Variants in TMEM232 observed in about 807,000 individuals in gnomAD.
The protein encoded by TMEM232 is transmembrane protein 232.
TMEM232 carries 80 observed loss-of-function variants against 78.8 expected under a neutral mutation model. The observed-to-expected ratio is 1.01, with a 90% CI of 0.85 to 1.22. The LOEUF is 1.22. Ranked by LOEUF, TMEM232 falls within the 50% of genes most tolerant of loss-of-function variation. TMEM232 has a pLI of 0.00. For synonymous variants in TMEM232, 297 were observed against 254.3 expected (o/e 1.17, Z -1.60); for missense variants, 881 against 742.2 (o/e 1.19, Z -2.17).
chr5:110,460,361 T>C (rs1052512451), intron 12 of TMEM232, among the ~76,000 whole-genome samples: 3 of 151,948 alleles, frequency 2.0e-5, no homozygotes, highest in African/African-American at 7.2e-5. Context: ...AATGAGGCAA[T>C]ATGTAAACAT....
intron 11 of TMEM232, among the ~76,000 whole-genome samples, chr5:110,533,922 G>A (rs898744105): frequency 9.9e-5 from 15 of 151,712 alleles, no homozygotes; most frequent in Admixed American, 5.9e-4. Context: ...CCTTTCCATC[G>A]TAGAAATCTA....
chr5:110,495,442 A>C (rs1765542561), intron 12 of TMEM232, among the ~76,000 whole-genome samples: 1 of 151,950 alleles, frequency 6.6e-6, no homozygotes, highest in Non-Finnish European at 1.5e-5. Flanking sequence ...CAGTTGATCT[A>C]TTTTAAAATA....
At chr5:110,738,306 G>C (rs931193088), upstream of TMEM232, 5 of 1,233,842 alleles carry the variant, frequency 4.1e-6, no homozygotes, top group African/African-American at 7.9e-5. Context: ...TCCCAATTTT[G>C]AACGATATAA....
intron 11 of TMEM232, among the ~76,000 whole-genome samples, chr5:110,558,276 A>G (rs748193106): frequency 1.3e-5 from 2 of 152,138 alleles, no homozygotes; most frequent in African/African-American, 4.8e-5. Flanking sequence ...CTTATGTACC[A>G]GTAGCATCAG....
intron 8 of TMEM232, among the ~76,000 whole-genome samples, chr5:110,617,526 C>T (rs1335124980): frequency 6.6e-6 from 1 of 152,058 alleles, no homozygotes; most frequent in African/African-American, 2.4e-5. Context: ...TATCATTATA[C>T]CCCATAAATA....
chr5:110,667,633 A>C (rs1790764428), intron 1 of TMEM232: 1 of 199,566 alleles, frequency 5.0e-6, no homozygotes, highest in Non-Finnish European at 9.9e-6. Flanking sequence ...GCAGCATGGC[A>C]TGGTAGCTAA....
chr5:110,724,250 C>G lies in TMEM232; in HGVS notation c.-13+2377G>C, dbSNP rs150876960. Among the ~76,000 whole-genome samples the G allele has an allele frequency of 1.1e-4, 17 of 152,234 alleles. No individual in the cohort carries two copies. The East Asian group carries it at 3.3e-3, about 29-fold the overall frequency. On this transcript the variant is annotated intron_variant, in intron 1 of 13. Transcript: ENST00000455884. Reference sequence around the variant, plus strand: ...CAGAATACCCTTCTCTTCATATTCTCACCTCTCTGGAGTTGATGCCATCCA... The same window carrying G: ...CAGAATACCCTTCTCTTCATATTCTGACCTCTCTGGAGTTGATGCCATCCA...
At chr5:110,676,973 C>G (rs148394390) in intron 1 of TMEM232, among the ~76,000 whole-genome samples, 3,336 of 152,072 alleles carry the variant, frequency 0.022, 112 homozygotes, top group African/African-American at 0.076. Flanking sequence ...GTTGGTCAGG[C>G]TGGTCTTGAA....
chr5:110,521,199 G>A (rs1165284424), intron 12 of TMEM232, among the ~76,000 whole-genome samples: 3 of 152,004 alleles, frequency 2.0e-5, no homozygotes, highest in African/African-American at 4.8e-5. Flanking sequence ...CTCTCTCATG[G>A]AATACCCTGA....
chr5:110,403,796 A>G (rs947551713), intron 2 of TMEM232, among the ~76,000 whole-genome samples: 4 of 151,996 alleles, frequency 2.6e-5, no homozygotes, highest in Non-Finnish European at 4.4e-5. Flanking sequence ...GGAGAGTTGA[A>G]GAGACCTGTA....
At chr5:110,394,434 A>G (rs2112560638) in intron 3 of TMEM232, among the ~76,000 whole-genome samples, 1 of 152,290 alleles carries the variant, frequency 6.6e-6, no homozygotes, top group East Asian at 1.9e-4. Flanking sequence ...ATTTCTTATC[A>G]ATATACTGAT....
At chr5:110,717,567 T>A (rs1328374861) in intron 1 of TMEM232, among the ~76,000 whole-genome samples, 1 of 152,108 alleles carries the variant, frequency 6.6e-6, no homozygotes, top group East Asian at 1.9e-4. Context: ...ACGATTTAAG[T>A]CATTGTGTTT....
chr5:110,588,326 GGAAA>G (rs1404513835), intron 10 of TMEM232, among the ~76,000 whole-genome samples: 10 of 152,180 alleles, frequency 6.6e-5, no homozygotes, highest in Middle Eastern at 3.4e-3. Context: ...AACACTGAAT[GGAAA>G]AGCACTTGGG....
chr5:110,499,635 C>CCCA (rs376076876), intron 12 of TMEM232, among the ~76,000 whole-genome samples: 2,950 of 143,496 alleles, frequency 0.021, 122 homozygotes, highest in African/African-American at 0.081. Flanking sequence ...ACACCCCCCC[C>CCCA]CACACACACA....
intron 1 of TMEM232, among the ~76,000 whole-genome samples, chr5:110,671,449 G>A (rs566984853): frequency 2.0e-5 from 3 of 152,216 alleles, no homozygotes; most frequent in East Asian, 1.9e-4. Flanking sequence ...ACATGCACAC[G>A]TATGTTTACT....
chr5:110,600,715 C>T (rs12655032), intron 10 of TMEM232, among the ~76,000 whole-genome samples: 3 of 152,044 alleles, frequency 2.0e-5, no homozygotes, highest in Non-Finnish European at 2.9e-5. Flanking sequence ...GAATCACAGC[C>T]GAATTCTACC....
At chr5:110,476,927 T>C (rs911179093) in intron 12 of TMEM232, among the ~76,000 whole-genome samples, 7 of 152,044 alleles carry the variant, frequency 4.6e-5, no homozygotes, top group African/African-American at 1.7e-4. Context: ...GATGATAACG[T>C]AGATGGTGTT....
intron 10 of TMEM232, among the ~76,000 whole-genome samples, chr5:110,587,691 A>ATATATATATATATATATATG (rs1209205049): frequency 1.6e-5 from 1 of 63,132 alleles, no homozygotes; most frequent in African/African-American, 7.2e-5. Flanking sequence ...ATATATATAT[A>ATATATATATATATATATATG]TGTGTGTGTG....
chr5:110,435,826 A>G (rs1014602395), intron 12 of TMEM232, among the ~76,000 whole-genome samples: 2 of 152,004 alleles, frequency 1.3e-5, no homozygotes, highest in Non-Finnish European at 2.9e-5. Flanking sequence ...TCTATTGTGT[A>G]TAAGAATGAT....
Sources: allele counts gnomAD v4.1 joint callset (sites outside exome capture counted in the v4.1 genomes callset), GRCh38; gene constraint gnomAD v4.1.1; transcripts MANE v1.5; gene names NCBI Gene and HGNC (gene_info 2026-07-23, HGNC 2026-07-21).